Variants in WWOX observed in about 807,000 individuals in gnomAD.
WWOX encodes WW domain containing oxidoreductase.
In WWOX, 69 loss-of-function variants were observed where a neutral mutation model predicts 46.2. The observed-to-expected ratio is 1.49, with a 90% confidence interval of 1.23 to 1.82. The LOEUF (loss-of-function observed/expected upper bound fraction) is 1.82, where lower values mean the gene tolerates loss of function less well. Ranked by LOEUF, WWOX falls within the 40% of genes most tolerant of loss-of-function variation. The probability of loss-of-function intolerance (pLI) is 0.00; values close to 1 mark genes in which losing one functional copy is unlikely to be tolerated. For synonymous variants in WWOX, 359 were observed against 202.6 expected, an observed-to-expected ratio of 1.77 and a Z score of -6.56; for missense variants, 919 against 542.6, an observed-to-expected ratio of 1.69 and a Z score of -6.89.
intron 8 of WWOX, among the ~76,000 whole-genome samples, chr16:78,958,013 A>G (rs1027865800): frequency 2.0e-4 from 30 of 152,334 alleles, no homozygotes; most frequent in African/African-American, 5.8e-4. Context: ...CATTTTCCCA[A>G]GGCCACATGA....
At chr16:78,284,908 T>C (rs913992173) in intron 5 of WWOX, among the ~76,000 whole-genome samples, 1 of 152,238 alleles carries the variant, frequency 6.6e-6, no homozygotes, top group Admixed American at 6.5e-5. Flanking sequence ...TTTCGTTTTC[T>C]CAAGATACAT....
intron 4 of WWOX, among the ~76,000 whole-genome samples, chr16:78,117,457 C>T (rs571931783): frequency 1.1e-3 from 163 of 152,252 alleles, no homozygotes; most frequent in African/African-American, 3.7e-3. Flanking sequence ...GAAATAATAT[C>T]GTACTGCAAG....
intron 5 of WWOX, among the ~76,000 whole-genome samples, chr16:78,191,439 T>C (rs2035880693): frequency 6.6e-6 from 1 of 152,260 alleles, no homozygotes; most frequent in Non-Finnish European, 1.5e-5. Flanking sequence ...CTACTATATT[T>C]GTTTGGGCTT....
intron 8 of WWOX, among the ~76,000 whole-genome samples, chr16:78,783,732 T>A (rs28444584): frequency 4.6e-4 from 7 of 15,096 alleles, no homozygotes; most frequent in African/African-American, 2.1e-3. Context: ...GATGTTGATG[T>A]TGATGATGAT....
intron 8 of WWOX, among the ~76,000 whole-genome samples, chr16:78,900,109 A>G (rs1054440509): frequency 3.0e-4 from 13 of 42,644 alleles, no homozygotes; most frequent in African/African-American, 1.2e-3. Context: ...CTCCTTCTCT[A>G]TTTTATTTCT....
chr16:78,524,809 A>AT (rs1461066256), intron 8 of WWOX, among the ~76,000 whole-genome samples: 4 of 68,490 alleles, frequency 5.8e-5, no homozygotes, highest in Admixed American at 1.8e-4. Flanking sequence ...AACTATTTTG[A>AT]TTTTTTATGG....
chr16:79,195,246 C>G (rs1010764408), intron 8 of WWOX, among the ~76,000 whole-genome samples: 8 of 151,988 alleles, frequency 5.3e-5, no homozygotes, highest in African/African-American at 1.9e-4. Flanking sequence ...GGGGAGTGTT[C>G]TAGGATCCAC....
intron 8 of WWOX, among the ~76,000 whole-genome samples, chr16:78,815,953 C>G (rs140612001): frequency 6.6e-6 from 1 of 152,130 alleles, no homozygotes; most frequent in Non-Finnish European, 1.5e-5. Context: ...CTCGATGTTC[C>G]CAAGTCTCCT....
In WWOX at chr16:78,920,436, C is replaced by G. The variant is rs542092652; in HGVS notation, c.1057-291172C>G. On this transcript the variant is annotated intron_variant, in intron 8 of 8. Transcript: ENST00000566780. ...GTCCCAAGTCCTAAGGTCCCAGCCA[C>G]CTATGGTTCTTTGGACCTGTGATTT... Among the ~76,000 whole-genome samples, 4 of 152,290 alleles carry G rather than the reference C, an allele frequency of 2.6e-5. No individual in the cohort carries two copies. In the East Asian group the frequency reaches 7.7e-4, roughly 29 times the overall value.
chr16:78,508,405 A>C (rs1003211446), intron 8 of WWOX, among the ~76,000 whole-genome samples: 1 of 141,288 alleles, frequency 7.1e-6, no homozygotes, highest in African/African-American at 2.7e-5. Context: ...TTCTTCCTCC[A>C]CTGTGGCCCA....
chr16:78,664,250 GT>G (rs2047280240), intron 8 of WWOX, among the ~76,000 whole-genome samples: 1 of 152,118 alleles, frequency 6.6e-6, no homozygotes, highest in African/African-American at 2.4e-5. Context: ...GTCAGTTTTC[GT>G]GTCTCCCTCC....
rs9934339 is a variant in WWOX, at chr16:79,140,832, A to C, written c.1057-70776A>C. On this transcript the variant is annotated intron_variant, in intron 8 of 8. Transcript: ENST00000566780. Reference sequence around the variant, plus strand: ...TCTGAGTAAGTAGGGGGATCCGGAGAGTCTTCTTGTCACTCAAACAGTTTC... The same window carrying C: ...TCTGAGTAAGTAGGGGGATCCGGAGCGTCTTCTTGTCACTCAAACAGTTTC... Among the ~76,000 whole-genome samples the C allele has an allele frequency of 5.9e-4, 90 of 152,258 alleles. No individual in the cohort carries two copies. The Middle Eastern group carries it at 0.01, about 17-fold the overall frequency.
At chr16:79,001,849 C>T (rs1160774712) in intron 8 of WWOX, among the ~76,000 whole-genome samples, 7 of 152,128 alleles carry the variant, frequency 4.6e-5, no homozygotes, top group African/African-American at 4.8e-5. Flanking sequence ...GCAGTGGTGT[C>T]GCTTTAGAAA....
At chr16:79,018,665 C>G (rs1302607375) in intron 8 of WWOX, among the ~76,000 whole-genome samples, 1 of 152,058 alleles carries the variant, frequency 6.6e-6, no homozygotes, top group Non-Finnish European at 1.5e-5. Flanking sequence ...TCATGCTCAC[C>G]CCAATCAATG....
intron 8 of WWOX, among the ~76,000 whole-genome samples, chr16:78,831,951 C>A (rs759224706): frequency 6.6e-6 from 1 of 152,168 alleles, no homozygotes; most frequent in Non-Finnish European, 1.5e-5. Flanking sequence ...TGATAACTAC[C>A]TGTGTTGCTC....
chr16:78,487,912 A>C lies in WWOX; in HGVS notation c.1056+55160A>C, dbSNP rs148246390. 3.4e-3 allele frequency among the ~76,000 whole-genome samples: 519 copies of C among 152,280 alleles called. 2 individuals carry two copies. The highest frequency in any genetic ancestry group is 0.017 in the Middle Eastern group (5 of 294). On this transcript the variant is annotated intron_variant, in intron 8 of 8. Transcript: ENST00000566780. ...CACCAAATTAATGTCCGCCTAGGCAAGCTGGACTGCAGAAAGAAAAGCAGT... is the reference window on the plus strand; with the variant it reads ...CACCAAATTAATGTCCGCCTAGGCACGCTGGACTGCAGAAAGAAAAGCAGT...
At chr16:78,577,280 G>GTATT (rs2044908244) in intron 8 of WWOX, among the ~76,000 whole-genome samples, 5 of 152,208 alleles carry the variant, frequency 3.3e-5, no homozygotes, top group Non-Finnish European at 5.9e-5. Flanking sequence ...CAGACTTTCT[G>GTATT]TCCAGTTTGT....
chr16:78,646,433 T>C (rs2046845454), intron 8 of WWOX, among the ~76,000 whole-genome samples: 1 of 152,102 alleles, frequency 6.6e-6, no homozygotes, highest in Non-Finnish European at 1.5e-5. Context: ...TTATATATTT[T>C]AATTTTTTTT....
chr16:78,123,456 T>TTTTTTTTTTTTTTTTTTTTTTTTTTG (rs2033215930), intron 4 of WWOX: 26 of 14,418 alleles, frequency 1.8e-3, no homozygotes, highest in South Asian at 3.3e-3. Flanking sequence ...TTTTTTTTTG[T>TTTTTTTTTTTTTTTTTTTTTTTTTTG]TTTTTTTTTT....
Sources: allele counts gnomAD v4.1 joint callset (sites outside exome capture counted in the v4.1 genomes callset), GRCh38; gene constraint gnomAD v4.1.1; transcripts MANE v1.5; gene names NCBI Gene and HGNC (gene_info 2026-07-23, HGNC 2026-07-21).